The following ZNF407 variants were observed in gnomAD, a reference collection of about 807,000 sequenced individuals.
ZNF407 encodes the protein zinc finger protein 407.
ZNF407 carries 17 observed loss-of-function variants against 131.2 expected under a neutral mutation model. The ratio of observed to expected loss-of-function variants is 0.13; its 90% confidence interval spans 0.09 to 0.19. ZNF407 has a LOEUF of 0.19. Among genes scored for constraint, ZNF407 ranks in the 10% least tolerant of loss-of-function variants. ZNF407 has a pLI of 1.00. For missense variants in ZNF407, 2,681 were observed against 2,830.6 expected, an observed-to-expected ratio of 0.95 and a Z score of 1.20; for synonymous variants, 1,156 against 1,062.0, an observed-to-expected ratio of 1.09 and a Z score of -1.72.
chr18:75,042,333 A>T (rs1568309637), intron 8 of ZNF407, among the ~76,000 whole-genome samples: 1 of 152,230 alleles, frequency 6.6e-6, no homozygotes, highest in Non-Finnish European at 1.5e-5. Context: ...TATAATTTTC[A>T]TTATATCTAG....
At chr18:74,984,392 A>G (rs1317050370) in intron 8 of ZNF407, among the ~76,000 whole-genome samples, 1 of 152,228 alleles carries the variant, frequency 6.6e-6, no homozygotes, top group Non-Finnish European at 1.5e-5. Context: ...ATTTAATAAG[A>G]TCAGCAAGTT....
chr18:74,690,365 C>A (rs1333429927), intron 3 of ZNF407, among the ~76,000 whole-genome samples: 7 of 151,750 alleles, frequency 4.6e-5, no homozygotes, highest in African/African-American at 1.7e-4. Context: ...ACACAATTAA[C>A]AGAACCTACC....
In ZNF407 at chr18:74,695,415, G is replaced by A. The variant is rs541917745; in HGVS notation, c.4802+54293G>A. ...AAAAATACACTCTGGTGACAATAGC[G>A]TTCTGGTTAATGTGCACCAGCTAAG... On this transcript the variant is annotated intron_variant, in intron 3 of 8. Coordinates refer to ENST00000299687, the MANE Select transcript of ZNF407 (RefSeq NM_017757.3). Among the ~76,000 whole-genome samples the A allele has an allele frequency of 3.2e-4, 49 of 152,034 alleles. 1 individual carries two copies. The highest frequency in any genetic ancestry group is 8.2e-4 in the African/African-American group (34 of 41,460).
At chr18:74,990,987 A>G (rs1034305421) in intron 8 of ZNF407, among the ~76,000 whole-genome samples, 3 of 152,198 alleles carry the variant, frequency 2.0e-5, no homozygotes, top group Non-Finnish European at 4.4e-5. Flanking sequence ...CATTCAACAA[A>G]GATGGATGAA....
At chr18:74,691,465 G>GT (rs1967221028) in intron 3 of ZNF407, among the ~76,000 whole-genome samples, 2 of 148,216 alleles carry the variant, frequency 1.3e-5, no homozygotes, top group South Asian at 2.1e-4. Context: ...TTTTTTTGTT[G>GT]TTTTTTACAA....
chr18:74,695,685 G>A (rs1274847730), intron 3 of ZNF407, among the ~76,000 whole-genome samples: 2 of 152,144 alleles, frequency 1.3e-5, no homozygotes, highest in Non-Finnish European at 2.9e-5. Flanking sequence ...TTACATATAT[G>A]TATAGATGTA....
At chr18:75,011,841 A>C (rs141701844) in intron 8 of ZNF407, among the ~76,000 whole-genome samples, 1,777 of 152,314 alleles carry the variant, frequency 0.012, 14 homozygotes, top group Non-Finnish European at 0.02. Flanking sequence ...AAATACTTCC[A>C]AGAAATATAA....
At chr18:74,855,717 A>T (rs925263179) in intron 4 of ZNF407, among the ~76,000 whole-genome samples, 3 of 152,210 alleles carry the variant, frequency 2.0e-5, no homozygotes, top group Admixed American at 6.5e-5. Flanking sequence ...CCTCTAGCAA[A>T]TATCTTCTGG....
chr18:74,916,389 G>A (rs71354474), intron 7 of ZNF407, among the ~76,000 whole-genome samples: 7 of 126,308 alleles, frequency 5.5e-5, no homozygotes, highest in Admixed American at 2.3e-4. Flanking sequence ...GTGAGGTTGT[G>A]TGCAGTATTG....
intron 8 of ZNF407, among the ~76,000 whole-genome samples, chr18:74,959,378 G>A (rs1258109112): frequency 6.6e-6 from 1 of 152,164 alleles, no homozygotes; most frequent in Admixed American, 6.5e-5. Flanking sequence ...TTGGACTCTG[G>A]CTCCTAAGTC....
intron 4 of ZNF407, among the ~76,000 whole-genome samples, chr18:74,815,880 G>A (rs1297125059): frequency 6.6e-6 from 1 of 152,126 alleles, no homozygotes; most frequent in Non-Finnish European, 1.5e-5. Context: ...CTTTGATTAT[G>A]TTGCTTTCTT....
chr18:74,780,327 T>C (rs919484049), intron 3 of ZNF407, among the ~76,000 whole-genome samples: 1 of 152,178 alleles, frequency 6.6e-6, no homozygotes, highest in African/African-American at 2.4e-5. Context: ...TTGTTTTGCT[T>C]TTGGCTTTTG....
At chr18:74,909,385 C>G (rs1295207932) in intron 7 of ZNF407, among the ~76,000 whole-genome samples, 2 of 152,062 alleles carry the variant, frequency 1.3e-5, no homozygotes, top group Non-Finnish European at 2.9e-5. Flanking sequence ...ATGTTATTTA[C>G]CTTAATCCTC....
intron 4 of ZNF407, among the ~76,000 whole-genome samples, chr18:74,831,723 G>A (rs184811777): frequency 3.3e-5 from 5 of 152,124 alleles, no homozygotes; most frequent in Admixed American, 2.6e-4. Context: ...CTCCCCATCC[G>A]TCGATGCCAC....
chr18:74,831,701 G>A (rs947020635), intron 4 of ZNF407, among the ~76,000 whole-genome samples: 8 of 152,240 alleles, frequency 5.3e-5, no homozygotes, highest in South Asian at 2.1e-4. Context: ...TGGCCAATGC[G>A]AATGATGCTG....
intron 4 of ZNF407, among the ~76,000 whole-genome samples, chr18:74,809,950 AAG>A (rs376869951): frequency 2.8e-4 from 42 of 152,362 alleles, no homozygotes; most frequent in African/African-American, 9.1e-4. Flanking sequence ...ATGTAAATGA[AAG>A]AGGAATTATG....
At chr18:74,892,256 G>A (rs1039047108) in intron 7 of ZNF407, among the ~76,000 whole-genome samples, 3 of 152,096 alleles carry the variant, frequency 2.0e-5, no homozygotes, top group Non-Finnish European at 4.4e-5. Context: ...CAGCACAAGG[G>A]TGTCATGAGG....
At chr18:74,664,195 T>A (rs895640937) in intron 3 of ZNF407, among the ~76,000 whole-genome samples, 1 of 152,120 alleles carries the variant, frequency 6.6e-6, no homozygotes, top group African/African-American at 2.4e-5. Context: ...ATCACCACAG[T>A]CTCTTAAAAG....
At chr18:74,901,602 G>A (rs532013655) in intron 7 of ZNF407, among the ~76,000 whole-genome samples, 1 of 152,330 alleles carries the variant, frequency 6.6e-6, no homozygotes, top group East Asian at 1.9e-4. Flanking sequence ...TGTGTCATCT[G>A]GAACCATCCT....
Sources: allele counts gnomAD v4.1 joint callset (sites outside exome capture counted in the v4.1 genomes callset), GRCh38; gene constraint gnomAD v4.1.1; transcripts MANE v1.5; gene names NCBI Gene and HGNC (gene_info 2026-07-23, HGNC 2026-07-21).